The following MCTP2 variants were observed in gnomAD, a reference collection of about 807,000 sequenced individuals.
MCTP2 encodes multiple C2 and transmembrane domain-containing protein 2.
Under a neutral mutation model 111.6 loss-of-function variants are expected in MCTP2, and 132 were observed. That is an observed-to-expected ratio of 1.18 (90% confidence interval 1.03 to 1.37). The LOEUF is 1.37. Ranked by LOEUF, MCTP2 falls within the 40% of genes most tolerant of loss-of-function variation. MCTP2 has a pLI of 0.00. For synonymous variants in MCTP2, 395 were observed against 387.7 expected (o/e 1.02, Z -0.22); for missense variants, 1,183 against 1,067.9 (o/e 1.11, Z -1.50).
intron 1 of MCTP2, among the ~76,000 whole-genome samples, chr15:94,285,998 G>T (rs1596270713): frequency 6.6e-6 from 1 of 152,144 alleles, no homozygotes; most frequent in East Asian, 1.9e-4. Flanking sequence ...TATATGAAAT[G>T]ATTCTCCACC....
intron 2 of MCTP2, among the ~76,000 whole-genome samples, chr15:94,306,955 T>C (rs2075910344): frequency 6.6e-6 from 1 of 152,156 alleles, no homozygotes; most frequent in African/African-American, 2.4e-5. Context: ...TCTCTACACT[T>C]CAATGACGTC....
At chr15:94,285,065 C>G (rs1445042437) in intron 1 of MCTP2, among the ~76,000 whole-genome samples, 2 of 152,056 alleles carry the variant, frequency 1.3e-5, no homozygotes, top group Non-Finnish European at 2.9e-5. Flanking sequence ...CTATGATTTA[C>G]CACAGGAATA....
At chr15:94,343,768 C>T (rs1413405551) in intron 7 of MCTP2, 2 of 152,038 alleles carry the variant, frequency 1.3e-5, no homozygotes, top group Admixed American at 6.6e-5. Context: ...ATATGTGAAA[C>T]AAGGATAAAA....
At chr15:94,432,417 A>G (rs968691530) in intron 17 of MCTP2, among the ~76,000 whole-genome samples, 1 of 152,196 alleles carries the variant, frequency 6.6e-6, no homozygotes, top group Non-Finnish European at 1.5e-5. Context: ...TTAGGTGACT[A>G]TAAAACAGAA....
intron 17 of MCTP2, chr15:94,402,506 C>CT (rs2081649115): frequency 6.4e-7 from 1 of 1,551,638 alleles, no homozygotes; most frequent in South Asian, 1.2e-5. Context: ...AGGAACCACC[C>CT]CTGTCTATGA....
chr15:94,446,774 T>C (rs890034559), intron 19 of MCTP2, among the ~76,000 whole-genome samples: 1 of 152,224 alleles, frequency 6.6e-6, no homozygotes, highest in Non-Finnish European at 1.5e-5. Context: ...GGTTGGTTTG[T>C]TCATAACTAG....
chr15:94,255,822 G>T (rs2072728473), intron 1 of MCTP2, among the ~76,000 whole-genome samples: 1 of 152,186 alleles, frequency 6.6e-6, no homozygotes, highest in African/African-American at 2.4e-5. Context: ...AGGAATGAAA[G>T]AAATCATTCA....
chr15:94,468,277 C>G (rs1338796114), intron 20 of MCTP2, among the ~76,000 whole-genome samples: 1 of 151,426 alleles, frequency 6.6e-6, no homozygotes, highest in African/African-American at 2.4e-5. Flanking sequence ...GTTTTTAATT[C>G]TAGCAGAATC....
chr15:94,450,889 T>C (rs2084401675), intron 19 of MCTP2, among the ~76,000 whole-genome samples: 1 of 152,130 alleles, frequency 6.6e-6, no homozygotes, highest in Non-Finnish European at 1.5e-5. Flanking sequence ...GTAGGAGAGA[T>C]TTAAAGTAAC....
In MCTP2 at chr15:94,478,947, C is replaced by A. The variant is rs375192588; in HGVS notation, c.2569-19C>A. On this transcript the variant is annotated intron_variant, in intron 22 of 22. Coordinates refer to ENST00000357742, the MANE Select transcript of MCTP2 (RefSeq NM_001385001.1). ...TAGGGTTACCTAACCGCCAGCATCACGGCTATTTGTTTTCACAGGTGCAGT... is the reference window on the plus strand; with the variant it reads ...TAGGGTTACCTAACCGCCAGCATCAAGGCTATTTGTTTTCACAGGTGCAGT... 6.2e-7 allele frequency: 1 copy of A among 1,613,084 alleles called. No individual in the cohort carries two copies. Among genetic ancestry groups the A allele is most frequent in the East Asian group, 2.2e-5 (1 of 44,812 alleles).
chr15:94,325,842 A>G (rs1252227680), intron 4 of MCTP2, among the ~76,000 whole-genome samples: 1 of 68,866 alleles, frequency 1.5e-5, no homozygotes, highest in African/African-American at 8.3e-5. Flanking sequence ...TTTTTTTGAG[A>G]CGGAGTCTTG....
chr15:94,428,564 A>AT (rs915608133), intron 17 of MCTP2, among the ~76,000 whole-genome samples: 4 of 151,626 alleles, frequency 2.6e-5, no homozygotes, highest in South Asian at 2.1e-4. Context: ...ATCCTCAGGC[A>AT]TTTTTTCTTT....
intron 19 of MCTP2, among the ~76,000 whole-genome samples, chr15:94,452,898 C>T (rs530255396): frequency 2.6e-5 from 4 of 152,298 alleles, no homozygotes; most frequent in Non-Finnish European, 5.9e-5. Context: ...TTCCCTGTCT[C>T]ACATGAGTAG....
chr15:94,369,574 A>G (rs947453165), intron 11 of MCTP2, among the ~76,000 whole-genome samples: 2 of 152,170 alleles, frequency 1.3e-5, no homozygotes, highest in Non-Finnish European at 2.9e-5. Flanking sequence ...CTCTAATTCA[A>G]TGAGCTAGCT....
chr15:94,395,458 A>G (rs745607974), intron 14 of MCTP2, among the ~76,000 whole-genome samples: 7 of 152,202 alleles, frequency 4.6e-5, no homozygotes, highest in Admixed American at 2.0e-4. Context: ...GAACTTTGCT[A>G]TTGAATGAGT....
intron 9 of MCTP2, 68 bp from the exon 10 acceptor site, chr15:94,358,414 A>G: frequency 1.4e-6 from 2 of 1,418,718 alleles, no homozygotes; most frequent in Non-Finnish European, 1.9e-6. Context: ...TGATGAAATT[A>G]ATGTGTAGCT....
In MCTP2 at chr15:94,458,225, CT is replaced by C. The variant is rs937476692; in HGVS notation, c.2343del (p.Phe781LeufsTer22). On this transcript the variant is annotated frameshift_variant, in exon 20 of 23. Transcript: ENST00000357742. LOFTEE classifies it high-confidence loss of function. ...CAAAACGTCTTGGAGGAAATAGCTTCTTTTGGAGAAAGGATTAAGAAGTAAG... is the reference window on the plus strand; with the variant it reads ...CAAAACGTCTTGGAGGAAATAGCTTCTTTGGAGAAAGGATTAAGAAGTAAG... The part of the protein sequence containing the change: ...TVQNVLEEIA[S>X]FGERIKNTFN... The C allele has an allele frequency of 5.0e-6, 8 of 1,605,672 alleles. No homozygotes were observed. The highest frequency in any genetic ancestry group is 6.8e-6 in the Non-Finnish European group (8 of 1,172,322).
At chr15:94,236,464 A>G (rs2070575927) in intron 1 of MCTP2, among the ~76,000 whole-genome samples, 1 of 130,478 alleles carries the variant, frequency 7.7e-6, no homozygotes, top group Admixed American at 9.4e-5. Context: ...AGTGACATGG[A>G]TATGTGTGCG....
chr15:94,344,484 T>G (rs1398272570), intron 7 of MCTP2, among the ~76,000 whole-genome samples: 1 of 152,068 alleles, frequency 6.6e-6, no homozygotes, highest in Non-Finnish European at 1.5e-5. Context: ...GATGAGAGGG[T>G]TTTGCTTGGA....
Sources: gnomAD v4.1 joint callset for allele counts (sites outside exome capture counted in the v4.1 genomes callset) on GRCh38, gnomAD v4.1.1 for gene constraint, MANE v1.5 for transcripts, NCBI Gene and HGNC (gene_info 2026-07-23, HGNC 2026-07-21) for gene names.